ANKAR: variants seen among roughly 807,000 people sequenced by gnomAD.
The protein encoded by ANKAR is ankyrin and armadillo repeat containing, also known as ankyrin and armadillo repeat-containing protein.
A neutral mutation model predicts 146.2 loss-of-function variants in ANKAR; 136 were observed. The ratio of observed to expected loss-of-function variants is 0.93; its 90% CI spans 0.81 to 1.07. The LOEUF (loss-of-function observed/expected upper bound fraction) is 1.07. Ranked by LOEUF, ANKAR falls within the 50% of genes least tolerant of loss-of-function variation. ANKAR has a pLI of 0.00. For synonymous variants in ANKAR, 500 were observed against 575.8 expected, an observed-to-expected ratio of 0.87 and a Z score of 1.88; for missense variants, 1,567 against 1,679.9, an observed-to-expected ratio of 0.93 and a Z score of 1.18.
At chr2:189,704,337 G>T (rs778095505) in intron 7 of ANKAR, among the ~76,000 whole-genome samples, 1 of 150,292 alleles carries the variant, frequency 6.7e-6, no homozygotes, top group Non-Finnish European at 1.5e-5. Flanking sequence ...GTAGACCCCA[G>T]TTTCACCATG....
intron 1 of ANKAR, among the ~76,000 whole-genome samples, chr2:189,675,379 T>C (rs1243062250): frequency 6.6e-6 from 1 of 152,168 alleles, no homozygotes; most frequent in Non-Finnish European, 1.5e-5. Context: ...CTTTTTCTTT[T>C]TTTTTTCTTT....
intron 17 of ANKAR, 83 bp downstream of exon 17, chr2:189,733,312 TG>T: frequency 8.4e-7 from 1 of 1,193,182 alleles, no homozygotes; most frequent in South Asian, 1.8e-5. Context: ...GTCTTCTTCA[TG>T]GCAATATTCA....
At chr2:189,681,997 C>T (rs1327646499) in intron 2 of ANKAR, among the ~76,000 whole-genome samples, 2 of 152,160 alleles carry the variant, frequency 1.3e-5, no homozygotes, top group Admixed American at 1.3e-4. Context: ...CTGCCTCAAA[C>T]CTTTTAAAAA....
Position 189,728,258 on chromosome 2 carries a change from T to A in ANKAR, c.2878-9T>A, listed in dbSNP as rs761751679. On this transcript the variant is annotated splice_polypyrimidine_tract_variant and intron_variant, in intron 13 of 22. Coordinates refer to ENST00000684021, the MANE Select transcript of ANKAR (RefSeq NM_001378068.1). ...GTTCACTGAATTAATGAAATATTTT[T>A]AAAAATAGGCATTTCAAATAGATGT... 2.5e-6 allele frequency: 4 copies of A among 1,581,250 alleles called. No individual in the cohort carries two copies. The highest frequency in any genetic ancestry group is 3.9e-5 in the Admixed American group (2 of 51,002).
chr2:189,716,999 C>T (rs1464705216), intron 10 of ANKAR, among the ~76,000 whole-genome samples: 1 of 151,944 alleles, frequency 6.6e-6, no homozygotes, highest in African/African-American at 2.4e-5. Context: ...AGAAGAAAAC[C>T]TAGGCAATAC....
intron 8 of ANKAR, among the ~76,000 whole-genome samples, chr2:189,706,029 T>C (rs773056214): frequency 2.6e-5 from 4 of 151,194 alleles, no homozygotes; most frequent in Non-Finnish European, 5.9e-5. Context: ...GCTCTTAACA[T>C]GTGGAAGCCA....
chr2:189,693,072 A>T lies in ANKAR; in HGVS notation c.1204-2A>T. 1 of 1,432,148 alleles carries T rather than the reference A, an allele frequency of 7.0e-7. No homozygotes were observed. The highest frequency in any genetic ancestry group is 2.3e-5 in the East Asian group (1 of 43,178). 88.7% of individuals were successfully genotyped at this position (1,432,148 alleles called of 1,614,324 possible). ...TCTTTAGTAACATAACTCATATTTTAGAAAAATTTAGAAAAAATACGAGAT... is the reference window on the plus strand; with the variant it reads ...TCTTTAGTAACATAACTCATATTTTTGAAAAATTTAGAAAAAATACGAGAT... On this transcript the variant is annotated splice_acceptor_variant, in intron 4 of 22. Coordinates refer to ENST00000684021, the MANE Select transcript of ANKAR (RefSeq NM_001378068.1). LOFTEE classifies it high-confidence loss of function.
chr2:189,708,947 C>G (rs745361740), intron 9 of ANKAR, among the ~76,000 whole-genome samples: 1 of 151,984 alleles, frequency 6.6e-6, no homozygotes, highest in Admixed American at 6.6e-5. Flanking sequence ...ACTAAAAATA[C>G]AAAAATCAGC....
In ANKAR at chr2:189,716,643, G is replaced by T. The variant is rs1213925704; in HGVS notation, c.2225-2929G>T. ...GCCCACATTGCCAAGACAATCCTAG[G>T]CAAAAAGAACAAAGCTGGAGCAATC... On this transcript the variant is annotated intron_variant, in intron 10 of 22. Coordinates refer to ENST00000684021, the MANE Select transcript of ANKAR (RefSeq NM_001378068.1). 2.9e-5 allele frequency among the ~76,000 whole-genome samples: 4 copies of T among 140,144 alleles called. No individual in the cohort carries two copies. The Admixed American group carries it at 2.9e-4, about 10-fold the overall frequency. The allele number at this position is 140,144 out of a possible 152,430, so 91.9% of individuals were successfully genotyped here.
chr2:189,726,708 G>A (rs2041916245), intron 12 of ANKAR, among the ~76,000 whole-genome samples: 1 of 152,110 alleles, frequency 6.6e-6, no homozygotes, highest in African/African-American at 2.4e-5. Context: ...GACATTACTA[G>A]GAAAATCAAC....
chr2:189,703,407 A>G (rs1382494335), intron 7 of ANKAR, among the ~76,000 whole-genome samples: 1 of 152,150 alleles, frequency 6.6e-6, no homozygotes, highest in Admixed American at 6.6e-5. Flanking sequence ...GGGAGGTGCC[A>G]AAGAGTCTTC....
intron 9 of ANKAR, among the ~76,000 whole-genome samples, chr2:189,709,566 A>G (rs1198756823): frequency 6.6e-6 from 1 of 152,216 alleles, no homozygotes; most frequent in Non-Finnish European, 1.5e-5. Flanking sequence ...AGAGAAATGA[A>G]TTGGAGAATG....
chr2:189,683,583 T>A (rs1247863170), intron 2 of ANKAR, among the ~76,000 whole-genome samples: 2 of 152,202 alleles, frequency 1.3e-5, no homozygotes, highest in African/African-American at 4.8e-5. Flanking sequence ...AGCCCTTTCT[T>A]CCAAGCTTAG....
chr2:189,729,136 C>T (rs1241821303), intron 15 of ANKAR, among the ~76,000 whole-genome samples: 1 of 152,144 alleles, frequency 6.6e-6, no homozygotes, highest in East Asian at 1.9e-4. Flanking sequence ...TCTTTTGAAT[C>T]TCAAGAACGA....
intron 18 of ANKAR, chr2:189,755,617 T>C: frequency 6.5e-7 from 1 of 1,526,976 alleles, no homozygotes; most frequent in Non-Finnish European, 8.8e-7. Context: ...TGAAGAAAAA[T>C]GATATTACAG....
Position 189,676,538 on chromosome 2 carries a change from G to A in ANKAR, c.48G>A (p.Gln16=), listed in dbSNP as rs2105713977. ...KKGLPRFEQV[Q]DEDTYLENLA... ...GATTACCTAGATTTGAGCAAGTTCA[G>A]GATGAAGACACCTACCTGGAAAATT... Residue 16 remains glutamine, a synonymous_variant, in exon 2 of 23, where the codon CAG becomes CAA. Coordinates refer to ENST00000684021, the MANE Select transcript of ANKAR (RefSeq NM_001378068.1). 6.3e-7 allele frequency: 1 copy of A among 1,591,490 alleles called. No individual in the cohort carries two copies.
At chr2:189,721,967 C>T (rs1438668314) in intron 12 of ANKAR, among the ~76,000 whole-genome samples, 1 of 152,080 alleles carries the variant, frequency 6.6e-6, no homozygotes, top group African/African-American at 2.4e-5. Flanking sequence ...ATTTGAAAGC[C>T]CTCTTCCTTC....
chr2:189,705,301 A>T, intron 8 of ANKAR, 77 bp downstream of exon 8: 1 of 1,427,318 alleles, frequency 7.0e-7, no homozygotes, highest in Non-Finnish European at 9.6e-7. Flanking sequence ...AAGAAAATTA[A>T]ATAGAATATA....
At chr2:189,761,304 T>C, downstream of ANKAR, 1 of 1,093,252 alleles carries the variant, frequency 9.1e-7, no homozygotes, top group Non-Finnish European at 1.3e-6. Context: ...TTATTAAAAG[T>C]GTTTGCAAAA....
Sources: allele counts gnomAD v4.1 joint callset (sites outside exome capture counted in the v4.1 genomes callset), GRCh38; gene constraint gnomAD v4.1.1; transcripts MANE v1.5; gene names NCBI Gene and HGNC (gene_info 2026-07-23, HGNC 2026-07-21).